The following CACNA2D3 variants were observed in gnomAD, a reference collection of about 807,000 sequenced individuals.
The protein encoded by CACNA2D3 is calcium voltage-gated channel auxiliary subunit alpha2delta 3, also known as voltage-dependent calcium channel subunit alpha-2/delta-3.
CACNA2D3 carries 60 observed loss-of-function variants against 160.6 expected under a neutral mutation model. That is an observed-to-expected ratio of 0.37 (90% CI 0.30 to 0.46). The LOEUF is 0.46. CACNA2D3 is among the 20% of genes least tolerant of loss of function. CACNA2D3 has a pLI of 1.00. For synonymous variants in CACNA2D3, 558 were observed against 492.9 expected, an observed-to-expected ratio of 1.13 and a Z score of -1.75; for missense variants, 1,205 against 1,365.0, an observed-to-expected ratio of 0.88 and a Z score of 1.85.
At chr3:55,001,098 G>C (rs1213996837) in intron 31 of CACNA2D3, among the ~76,000 whole-genome samples, 1 of 152,122 alleles carries the variant, frequency 6.6e-6, no homozygotes. Flanking sequence ...CCTCGCTTAT[G>C]GTTGCTAAAC....
chr3:54,663,545 A>C lies in CACNA2D3; in HGVS notation c.1167+21304A>C, dbSNP rs987539128. 2.3e-4 allele frequency among the ~76,000 whole-genome samples: 35 copies of C among 152,254 alleles called. 4 individuals are homozygous for C. The highest frequency in any genetic ancestry group is 1.9e-3 in the Admixed American group (29 of 15,292). ...AAATGGGGTCTGGAATTGATCCCAG[A>C]TAAGACATCTGCCTCTTAATTTCAC... is the stretch of plus-strand genomic sequence containing the variant. On this transcript the variant is annotated intron_variant, in intron 11 of 37. Coordinates refer to ENST00000474759, the MANE Select transcript of CACNA2D3 (RefSeq NM_018398.3).
intron 13 of CACNA2D3, among the ~76,000 whole-genome samples, chr3:54,803,061 C>T (rs972072327): frequency 2.5e-4 from 38 of 152,078 alleles, no homozygotes; most frequent in Admixed American, 5.2e-4. Context: ...CCCATCTGTA[C>T]GTCACCATCA....
intron 17 of CACNA2D3, among the ~76,000 whole-genome samples, chr3:54,857,776 A>G (rs1699204223): frequency 6.6e-6 from 1 of 152,146 alleles, no homozygotes; most frequent in Admixed American, 6.5e-5. Flanking sequence ...TGCAGTTTTG[A>G]GTGCTCTCAC....
At chr3:54,526,210 G>A (rs956854623) in intron 5 of CACNA2D3, among the ~76,000 whole-genome samples, 2 of 152,002 alleles carry the variant, frequency 1.3e-5, no homozygotes, top group African/African-American at 4.8e-5. Context: ...TCTATTTGAT[G>A]TGATGTCGTA....
chr3:54,965,353 C>T (rs1702124720), intron 27 of CACNA2D3, among the ~76,000 whole-genome samples: 1 of 152,164 alleles, frequency 6.6e-6, no homozygotes, highest in African/African-American at 2.4e-5. Context: ...AAATGATGGT[C>T]TTTAAAAAGG....
intron 2 of CACNA2D3, among the ~76,000 whole-genome samples, chr3:54,217,921 A>G (rs1377820805): frequency 6.6e-6 from 1 of 151,972 alleles, no homozygotes; most frequent in African/African-American, 2.4e-5. Context: ...TTAGAGAGAA[A>G]GAGATGTGTT....
intron 35 of CACNA2D3, among the ~76,000 whole-genome samples, chr3:55,030,056 T>G (rs1703656093): frequency 6.6e-6 from 1 of 152,154 alleles, no homozygotes; most frequent in Non-Finnish European, 1.5e-5. Context: ...TGAAGGCTCT[T>G]CATCTTATTT....
chr3:54,317,655 A>G (rs1052838306), intron 2 of CACNA2D3, among the ~76,000 whole-genome samples: 4 of 152,098 alleles, frequency 2.6e-5, no homozygotes, highest in Non-Finnish European at 4.4e-5. Flanking sequence ...CTTCTGCCTC[A>G]GTCTCCTGAG....
rs1226928997 is a variant in CACNA2D3 at position 54,152,574 on chromosome 3, C to T, written c.204+28980C>T. Reference sequence around the variant, plus strand: ...GTGGCCCAGGGAGCAGTGGCCTGGGCGATGGACGCACTGAGTGGTAAGTGA... The same window carrying T: ...GTGGCCCAGGGAGCAGTGGCCTGGGTGATGGACGCACTGAGTGGTAAGTGA... On this transcript the variant is annotated intron_variant, in intron 2 of 37. Transcript: ENST00000474759. Among the ~76,000 whole-genome samples, 3 of 152,058 alleles carry T rather than the reference C, an allele frequency of 2.0e-5. 1 individual carries two copies. The highest frequency in any genetic ancestry group is 4.2e-4 in the South Asian group (2 of 4,810).
At chr3:54,963,437 C>A (rs897439195) in intron 27 of CACNA2D3, among the ~76,000 whole-genome samples, 4 of 152,190 alleles carry the variant, frequency 2.6e-5, no homozygotes, top group Non-Finnish European at 5.9e-5. Flanking sequence ...AGTACCGTAG[C>A]CTCTAGCACC....
chr3:54,415,529 A>G (rs142835385), intron 4 of CACNA2D3, among the ~76,000 whole-genome samples: 2 of 152,334 alleles, frequency 1.3e-5, no homozygotes, highest in East Asian at 1.9e-4. Flanking sequence ...CCAATTAAAA[A>G]TTATTTTATG....
chr3:54,990,266 C>T (rs1050122992), intron 31 of CACNA2D3, among the ~76,000 whole-genome samples: 1 of 152,166 alleles, frequency 6.6e-6, no homozygotes, highest in Non-Finnish European at 1.5e-5. Context: ...TGCAGTGGCT[C>T]ACGCCTGTAA....
At chr3:54,400,295 T>C (rs1699429786) in intron 4 of CACNA2D3, among the ~76,000 whole-genome samples, 1 of 151,872 alleles carries the variant, frequency 6.6e-6, no homozygotes, top group Admixed American at 6.5e-5. Flanking sequence ...AGACCGGAGC[T>C]GTTCCTATTC....
intron 35 of CACNA2D3, among the ~76,000 whole-genome samples, chr3:55,045,013 C>G (rs1412095912): frequency 1.3e-5 from 2 of 151,928 alleles, no homozygotes; most frequent in East Asian, 3.9e-4. Flanking sequence ...TATGTTGTGG[C>G]TTTTTTACTC....
chr3:54,261,499 C>T (rs1275237349), intron 2 of CACNA2D3, among the ~76,000 whole-genome samples: 2 of 152,196 alleles, frequency 1.3e-5, no homozygotes, highest in Non-Finnish European at 2.9e-5. Flanking sequence ...AGTGGTTGCT[C>T]AAGGTGTTGG....
chr3:55,051,950 C>T (rs1403160146), intron 35 of CACNA2D3, among the ~76,000 whole-genome samples: 2 of 152,176 alleles, frequency 1.3e-5, no homozygotes, highest in East Asian at 3.9e-4. Flanking sequence ...GGCAATGCCT[C>T]GCCCTGCTTC....
At chr3:54,866,257 G>A (rs1197832000) in intron 17 of CACNA2D3, among the ~76,000 whole-genome samples, 1 of 152,198 alleles carries the variant, frequency 6.6e-6, no homozygotes, top group Non-Finnish European at 1.5e-5. Flanking sequence ...GGAATGAAGT[G>A]CCCTGTGGCC....
chr3:54,898,139 TTTTTCTTTC>T (rs1559621753), intron 26 of CACNA2D3, among the ~76,000 whole-genome samples: 1 of 139,950 alleles, frequency 7.1e-6, no homozygotes, highest in Non-Finnish European at 1.5e-5. Context: ...TTCTTTTTCT[TTTTTCTTTC>T]TTTCTTTCTT....
At chr3:54,386,852 T>A in intron 4 of CACNA2D3, 78 bp downstream of exon 4, 1 of 1,320,426 alleles carries the variant, frequency 7.6e-7, no homozygotes, top group Non-Finnish European at 1.1e-6. Flanking sequence ...CCAGGAATAC[T>A]GATTTTTCAG....
Sources: allele counts gnomAD v4.1 joint callset (sites outside exome capture counted in the v4.1 genomes callset), GRCh38; gene constraint gnomAD v4.1.1; transcripts MANE v1.5; gene names NCBI Gene and HGNC (gene_info 2026-07-23, HGNC 2026-07-21).